The following NXN variants were observed in gnomAD, a reference collection of about 807,000 sequenced individuals.
NXN encodes the protein nucleoredoxin 1.
Under a neutral mutation model 48.6 loss-of-function variants are expected in NXN, and 16 were observed. The ratio of observed to expected loss-of-function variants is 0.33; its 90% confidence interval spans 0.22 to 0.50. The LOEUF is 0.50. Among genes scored for constraint, NXN ranks in the 20% least tolerant of loss-of-function variants. The pLI is 0.98. For missense variants in NXN, 492 were observed against 605.5 expected, an observed-to-expected ratio of 0.81 and a Z score of 1.97; for synonymous variants, 281 against 269.6, an observed-to-expected ratio of 1.04 and a Z score of -0.41.
At chr17:804,246 G>C (rs72810275) in intron 6 of NXN, among the ~76,000 whole-genome samples, 5 of 152,038 alleles carry the variant, frequency 3.3e-5, no homozygotes, top group Non-Finnish European at 5.9e-5. Flanking sequence ...TGAGCGGGAG[G>C]GGGTGAGGAC....
intron 1 of NXN, among the ~76,000 whole-genome samples, chr17:959,718 C>A (rs1265911632): frequency 1.3e-5 from 2 of 151,652 alleles, no homozygotes; most frequent in Non-Finnish European, 2.9e-5. Flanking sequence ...CATTTAAACC[C>A]GGGAGGTGAA....
At chr17:814,112 G>A (rs940001264) in intron 5 of NXN, among the ~76,000 whole-genome samples, 7 of 151,062 alleles carry the variant, frequency 4.6e-5, no homozygotes, top group East Asian at 1.9e-4. Context: ...AATACAAAAA[G>A]TTAGCCAGGT....
chr17:941,908 A>C (rs553044341), intron 1 of NXN, among the ~76,000 whole-genome samples: 1 of 48,360 alleles, frequency 2.1e-5, no homozygotes, highest in African/African-American at 1.0e-4. Context: ...ATGAACTCAC[A>C]TCACACCTTC....
intron 1 of NXN, among the ~76,000 whole-genome samples, chr17:930,717 G>A (rs1380372909): frequency 1.3e-5 from 2 of 151,400 alleles, no homozygotes; most frequent in South Asian, 2.1e-4. Context: ...TGCTAAAAGT[G>A]TAACCAGGAA....
In NXN at chr17:800,649, G is replaced by A. The variant is rs1192030700; in HGVS notation, c.*300C>T. 6 of 216,538 alleles carry A rather than the reference G, an allele frequency of 2.8e-5. No homozygotes were observed. The highest frequency in any genetic ancestry group is 1.1e-4 in the African/African-American group (5 of 43,996). 13.4% of individuals were successfully genotyped at this position (216,538 alleles called of 1,614,324 possible). On this transcript the variant is annotated 3_prime_UTR_variant, in exon 8 of 8. Transcript: ENST00000336868. ...ACGCTCACTCTGCCCAGGACACCCT[G>A]GCAGATCCTTCACCAAAAGCTAGTG...
chr17:918,689 A>G (rs1334647404), intron 1 of NXN, among the ~76,000 whole-genome samples: 1 of 150,510 alleles, frequency 6.6e-6, no homozygotes, highest in Non-Finnish European at 1.5e-5. Context: ...GCTACTCAGG[A>G]GGCTGAGGCA....
At chr17:864,781 T>C (rs2068079650) in intron 1 of NXN, among the ~76,000 whole-genome samples, 2 of 151,778 alleles carry the variant, frequency 1.3e-5, no homozygotes, top group Admixed American at 1.3e-4. Flanking sequence ...GGGGCAGAGG[T>C]GGGTAAAGTT....
intron 1 of NXN, among the ~76,000 whole-genome samples, chr17:833,007 C>T (rs953225374): frequency 6.6e-6 from 1 of 152,140 alleles, no homozygotes; most frequent in Non-Finnish European, 1.5e-5. Context: ...TCTCCTGCCT[C>T]AGCCTCCCGA....
intron 2 of NXN, among the ~76,000 whole-genome samples, chr17:824,670 G>T (rs1014638504): frequency 6.6e-6 from 1 of 152,170 alleles, no homozygotes; most frequent in African/African-American, 2.4e-5. Flanking sequence ...AGCCAAGTGA[G>T]AATTTAAGTC....
At chr17:939,716 C>T (rs1359434754) in intron 1 of NXN, among the ~76,000 whole-genome samples, 1 of 152,192 alleles carries the variant, frequency 6.6e-6, no homozygotes, top group Non-Finnish European at 1.5e-5. Flanking sequence ...TTGTGTAAGA[C>T]ACACACGTAC....
At chr17:851,103 T>A (rs1007254374) in intron 1 of NXN, among the ~76,000 whole-genome samples, 1 of 152,238 alleles carries the variant, frequency 6.6e-6, no homozygotes, top group Non-Finnish European at 1.5e-5. Flanking sequence ...TTAAAGAGCA[T>A]GATAATCCTG....
chr17:945,426 T>G (rs2069031579), intron 1 of NXN, among the ~76,000 whole-genome samples: 1 of 149,028 alleles, frequency 6.7e-6, no homozygotes, highest in African/African-American at 2.5e-5. Flanking sequence ...GATAAGAGTT[T>G]CCCCCATCCT....
chr17:964,768 G>A (rs1597282823), intron 1 of NXN, among the ~76,000 whole-genome samples: 1 of 152,220 alleles, frequency 6.6e-6, no homozygotes, highest in East Asian at 1.9e-4. Context: ...AATGGACTGA[G>A]TCACCCTAAA....
chr17:813,917 G>T (rs1377539259), intron 5 of NXN, among the ~76,000 whole-genome samples: 1 of 150,894 alleles, frequency 6.6e-6, no homozygotes, highest in Non-Finnish European at 1.5e-5. Context: ...AGTGAGCCAA[G>T]ATTGTGCCAA....
chr17:977,729 T>C (rs1270368541), intron 1 of NXN, among the ~76,000 whole-genome samples: 1 of 152,208 alleles, frequency 6.6e-6, no homozygotes, highest in African/African-American at 2.4e-5. Context: ...AATGAAAATG[T>C]TTTTTGGCAA....
At chr17:829,960 G>T (rs753749733) in intron 1 of NXN, among the ~76,000 whole-genome samples, 10 of 152,172 alleles carry the variant, frequency 6.6e-5, no homozygotes, top group Non-Finnish European at 1.5e-4. Context: ...ACAGAAGAAT[G>T]ATTTACAATC....
Position 811,887 on chromosome 17 carries a change from T to C in NXN, c.821-6640A>G, listed in dbSNP as rs374292095. Among the ~76,000 whole-genome samples the C allele has an allele frequency of 5.3e-5, 8 of 151,002 alleles. 2 individuals carry two copies. Among genetic ancestry groups the C allele is most frequent in the African/African-American group, 1.7e-4 (7 of 41,146 alleles). On this transcript the variant is annotated intron_variant, in intron 5 of 7. Coordinates refer to ENST00000336868, the MANE Select transcript of NXN (RefSeq NM_022463.5). ...GATTCTCAAAACCCCAAGATGCTTA[T>C]AGGACTCCGGGTTGTGCGGTTACCC...
chr17:957,581 A>T (rs12325968), intron 1 of NXN, among the ~76,000 whole-genome samples: 5 of 151,520 alleles, frequency 3.3e-5, no homozygotes, highest in African/African-American at 1.2e-4. Context: ...GCAGTGAGCC[A>T]AGATCAAGCC....
intron 1 of NXN, among the ~76,000 whole-genome samples, chr17:924,432 T>A (rs1389352985): frequency 2.6e-5 from 4 of 152,324 alleles, no homozygotes; most frequent in African/African-American, 9.6e-5. Context: ...AGATGGGGTT[T>A]CACCATGTTG....
Sources: gnomAD v4.1 joint callset for allele counts (sites outside exome capture counted in the v4.1 genomes callset) on GRCh38, gnomAD v4.1.1 for gene constraint, MANE v1.5 for transcripts, NCBI Gene and HGNC (gene_info 2026-07-23, HGNC 2026-07-21) for gene names.